PRKCH: variants seen among roughly 807,000 people sequenced by gnomAD.
The protein encoded by PRKCH is protein kinase C eta.
A neutral mutation model predicts 82.5 loss-of-function variants in PRKCH; 28 were observed. The ratio of observed to expected loss-of-function variants is 0.34; its 90% CI spans 0.25 to 0.47. PRKCH has a LOEUF of 0.47. PRKCH is among the 20% of genes least tolerant of loss of function. PRKCH has a pLI of 1.00. For missense variants in PRKCH, 705 were observed against 881.8 expected, an observed-to-expected ratio of 0.80 and a Z score of 2.54; for synonymous variants, 322 against 327.4, an observed-to-expected ratio of 0.98 and a Z score of 0.18.
intron 10 of PRKCH, among the ~76,000 whole-genome samples, chr14:61,488,342 A>G (rs1306770936): frequency 6.6e-6 from 1 of 152,154 alleles, no homozygotes; most frequent in South Asian, 2.1e-4. Flanking sequence ...CAATAAATCA[A>G]TAAAACGAGC....
At chr14:61,257,185 G>A (rs2045005118) in intron 1 of PRKCH, among the ~76,000 whole-genome samples, 1 of 152,144 alleles carries the variant, frequency 6.6e-6, no homozygotes, top group African/African-American at 2.4e-5. Context: ...CTTAGAAAAG[G>A]TGGTTTCTCC....
chr14:61,358,295 G>A (rs1305782821), intron 1 of PRKCH, among the ~76,000 whole-genome samples: 1 of 152,156 alleles, frequency 6.6e-6, no homozygotes, highest in Non-Finnish European at 1.5e-5. Context: ...AATGTTAGCT[G>A]CTGCTGTTCT....
chr14:61,491,259 C>G (rs1007875016), intron 10 of PRKCH, among the ~76,000 whole-genome samples: 2 of 152,204 alleles, frequency 1.3e-5, no homozygotes, highest in African/African-American at 4.8e-5. Flanking sequence ...TAACAGCTCT[C>G]TTTTCCCTTT....
chr14:61,243,277 A>C (rs2044855434), intron 1 of PRKCH, among the ~76,000 whole-genome samples: 1 of 151,292 alleles, frequency 6.6e-6, no homozygotes, highest in African/African-American at 2.4e-5. Flanking sequence ...GCGCACCTGT[A>C]GTCCCAGCTA....
intron 1 of PRKCH, among the ~76,000 whole-genome samples, chr14:61,231,162 G>A (rs2044740065): frequency 6.6e-6 from 1 of 152,112 alleles, no homozygotes; most frequent in African/African-American, 2.4e-5. Context: ...TGTGACCTTG[G>A]GCAAGTGTCA....
At chr14:61,304,933 A>G (rs2045475709) in intron 1 of PRKCH, 1 of 151,438 alleles carries the variant, frequency 6.6e-6, no homozygotes. Flanking sequence ...GATTCATAGC[A>G]TTGTTCCCCT....
intron 1 of PRKCH, among the ~76,000 whole-genome samples, chr14:61,389,713 A>AG (rs1491103639): frequency 1.3e-5 from 2 of 151,234 alleles, no homozygotes; most frequent in African/African-American, 4.9e-5. Flanking sequence ...AAAAAAAAAA[A>AG]GAGAAAAAAT....
chr14:61,441,118 C>T (rs1883948347), intron 2 of PRKCH, among the ~76,000 whole-genome samples: 2 of 151,408 alleles, frequency 1.3e-5, no homozygotes, highest in African/African-American at 4.9e-5. Flanking sequence ...AGACTGGTCT[C>T]CAATTCCTAG....
chr14:61,511,908 A>C (rs933311547), intron 10 of PRKCH, among the ~76,000 whole-genome samples: 4 of 152,198 alleles, frequency 2.6e-5, no homozygotes, highest in African/African-American at 9.7e-5. Flanking sequence ...TGTAAAACTC[A>C]GAGTGTAACT....
chr14:61,396,889 A>G (rs1399968461), intron 2 of PRKCH, among the ~76,000 whole-genome samples: 3 of 152,178 alleles, frequency 2.0e-5, no homozygotes, highest in Non-Finnish European at 4.4e-5. Flanking sequence ...TAATTATACA[A>G]CAGCGCCACT....
chr14:61,196,456 C>G (rs539679535), intron 1 of PRKCH, among the ~76,000 whole-genome samples: 1 of 152,240 alleles, frequency 6.6e-6, no homozygotes, highest in African/African-American at 2.4e-5. Flanking sequence ...TTTGCAACAG[C>G]TCTCATCTGA....
At position 61,367,345 on chromosome 14, in the gene PRKCH, C is replaced by CGTGT. The variant is rs1349074944; in HGVS notation, c.364-23869_364-23866dup. 3.5e-3 allele frequency among the ~76,000 whole-genome samples: 499 copies of CGTGT among 142,774 alleles called. 4 individuals are homozygous for CGTGT. Among genetic ancestry groups the CGTGT allele is most frequent in the African/African-American group, 0.012 (433 of 35,990 alleles). The allele number at this position is 142,774 out of a possible 152,430, so 93.7% of individuals were successfully genotyped here. On this transcript the variant is annotated intron_variant, in intron 1 of 13. Transcript: ENST00000332981. ...ATGAGATGATACTACTCAGGTATTG[C>CGTGT]GTGTGTGTGTGTGTATGTGTGTGTG...
intron 1 of PRKCH, among the ~76,000 whole-genome samples, chr14:61,354,572 T>C (rs577541393): frequency 6.6e-6 from 1 of 152,306 alleles, no homozygotes; most frequent in South Asian, 2.1e-4. Context: ...TCTATAAGCA[T>C]TTATTCAGCA....
At chr14:61,478,302 T>A (rs1395713879) in intron 9 of PRKCH, among the ~76,000 whole-genome samples, 1 of 151,704 alleles carries the variant, frequency 6.6e-6, no homozygotes, top group Admixed American at 6.6e-5. Flanking sequence ...ACAGCAGGAG[T>A]TGCTCTTGGA....
intron 1 of PRKCH, among the ~76,000 whole-genome samples, chr14:61,350,718 G>A (rs1041712011): frequency 6.6e-6 from 1 of 152,170 alleles, no homozygotes; most frequent in Non-Finnish European, 1.5e-5. Context: ...CTGGGGGCAG[G>A]ATCGGTGCAT....
At chr14:61,248,746 TTTTA>T (rs2044909301) in intron 1 of PRKCH, among the ~76,000 whole-genome samples, 1 of 144,516 alleles carries the variant, frequency 6.9e-6, no homozygotes, top group African/African-American at 2.6e-5. Flanking sequence ...AATTCAATGG[TTTTA>T]TGTATGTATG....
chr14:61,368,212 A>G (rs546432673), intron 1 of PRKCH, among the ~76,000 whole-genome samples: 1 of 151,978 alleles, frequency 6.6e-6, no homozygotes. Context: ...GGGCTGCCTT[A>G]CAGCAGCCTC....
intron 1 of PRKCH, among the ~76,000 whole-genome samples, chr14:61,302,117 T>C (rs903147097): frequency 3.9e-5 from 6 of 152,240 alleles, no homozygotes; most frequent in Non-Finnish European, 8.8e-5. Context: ...TTTCAAGAAA[T>C]GTGTCCAATT....
At chr14:61,244,923 A>G (rs913069615) in intron 1 of PRKCH, among the ~76,000 whole-genome samples, 1 of 152,214 alleles carries the variant, frequency 6.6e-6, no homozygotes, top group African/African-American at 2.4e-5. Flanking sequence ...GGAATGTGTA[A>G]CAGACTGTAG....
Sources: allele counts gnomAD v4.1 joint callset (sites outside exome capture counted in the v4.1 genomes callset), GRCh38; gene constraint gnomAD v4.1.1; transcripts MANE v1.5; gene names NCBI Gene and HGNC (gene_info 2026-07-23, HGNC 2026-07-21).